The following WASHC4 variants were observed in gnomAD, a reference collection of about 807,000 sequenced individuals.
The protein encoded by WASHC4 is WASH complex subunit 4, also known as WASH complex subunit 7.
WASHC4 carries 86 observed loss-of-function variants against 166.6 expected under a neutral mutation model. The observed-to-expected ratio is 0.52, with a 90% confidence interval of 0.43 to 0.62. The LOEUF (loss-of-function observed/expected upper bound fraction) is 0.62, where lower values mean the gene tolerates loss of function less well. Among genes scored for constraint, WASHC4 ranks in the 20% least tolerant of loss-of-function variants. WASHC4 has a pLI of 0.00. For synonymous variants in WASHC4, 446 were observed against 451.6 expected (o/e 0.99, Z 0.16); for missense variants, 1,262 against 1,382.4 (o/e 0.91, Z 1.38).
In WASHC4 at chr12:105,140,349, A is replaced by T. The variant is rs201428088; in HGVS notation, c.1508A>T (p.His503Leu). 1 of 1,614,000 alleles carries T rather than the reference A, an allele frequency of 6.2e-7. No individual in the cohort carries two copies. Among genetic ancestry groups the T allele is most frequent in the Admixed American group, 1.7e-5 (1 of 60,028 alleles). The change falls in exon 16 of 33, where the codon CAT (histidine) becomes CTT (leucine). Residue 503 changes from histidine to leucine, a missense_variant. Physicochemically the swap from His to Leu is moderately conservative, Grantham distance 99 (BLOSUM62 -3). Coordinates refer to ENST00000332180, the MANE Select transcript of WASHC4 (RefSeq NM_015275.3). The part of the protein sequence containing the change: ...RSMVVADSVS[H>L]ITQHLQHQAL... Reference sequence around the variant, plus strand: ...ATGGTTGTGGCTGATTCAGTTTCACATATAACACAGCACCTTCAACATCAG... The same window carrying T: ...ATGGTTGTGGCTGATTCAGTTTCACTTATAACACAGCACCTTCAACATCAG...
In WASHC4 at chr12:105,107,840, C is replaced by T. The variant is rs1445291096; in HGVS notation, c.40C>T (p.Arg14Cys). ...TCTGTCCCCGGACTGGGAGTTTGACCGCGTTGACGACGGCTCGCAGAGTAA... is the reference window on the plus strand; with the variant it reads ...TCTGTCCCCGGACTGGGAGTTTGACTGCGTTGACGACGGCTCGCAGAGTAA... ...ETLSPDWEFD[R>C]VDDGSQKIHA... The change falls in exon 1 of 33, where the codon CGC (arginine) becomes TGC (cysteine). Residue 14 changes from arginine (R) to cysteine (C), a missense_variant. By Grantham distance (180) the Arg-to-Cys change is radical. Coordinates refer to ENST00000332180, the MANE Select transcript of WASHC4 (RefSeq NM_015275.3). 2 of 1,550,950 alleles carry T rather than the reference C, an allele frequency of 1.3e-6. No individual in the cohort carries two copies. Among genetic ancestry groups the T allele is most frequent in the Non-Finnish European group, 1.7e-6 (2 of 1,146,492 alleles).
intron 32 of WASHC4, among the ~76,000 whole-genome samples, chr12:105,165,461 A>G (rs1884754208): frequency 6.6e-6 from 1 of 152,220 alleles, no homozygotes; most frequent in African/African-American, 2.4e-5. Context: ...TGGATATTAT[A>G]TAGCATACAT....
chr12:105,140,420 AT>A lies in WASHC4; in HGVS notation c.1560+22del. 1 of 1,493,612 alleles carries A rather than the reference AT, an allele frequency of 6.7e-7. No homozygotes were observed. The highest frequency in any genetic ancestry group is 9.3e-7 in the Non-Finnish European group (1 of 1,070,262). The allele number at this position is 1,493,612 out of a possible 1,614,324, so 92.5% of individuals were successfully genotyped here. ...GGCCAAGGTATGCAGCTTATTATGT[AT>A]TTAGCATAAGTATGTTATCTTTTTT... On this transcript the variant is annotated intron_variant, in intron 16 of 32. Coordinates refer to ENST00000332180, the MANE Select transcript of WASHC4 (RefSeq NM_015275.3).
chr12:105,127,249 A>G lies in WASHC4; in HGVS notation c.1159A>G (p.Arg387Gly). The G allele has an allele frequency of 6.2e-7, 1 of 1,612,294 alleles. No homozygotes were observed. The highest frequency in any genetic ancestry group is 8.5e-7 in the Non-Finnish European group (1 of 1,178,404). Residue 387 changes from arginine to glycine, a missense_variant, in exon 13 of 33, where the codon AGG becomes GGG. By Grantham distance (125) the Arg-to-Gly change is moderately radical (BLOSUM62 -2). Coordinates refer to ENST00000332180, the MANE Select transcript of WASHC4 (RefSeq NM_015275.3). ...AAGTCTTCAAGCCATTAAAATACAC[A>G]GGGATACTTTTCTACAACAGAAAGC... ...RKSLQAIKIH[R>G]DTFLQQKAQS...
intron 22 of WASHC4, among the ~76,000 whole-genome samples, 177 bp downstream of exon 22, chr12:105,145,049 T>G (rs1312544430): frequency 2.0e-5 from 3 of 151,768 alleles, no homozygotes; most frequent in Non-Finnish European, 2.9e-5. Flanking sequence ...TAAATTGCTT[T>G]ATAAAGGAAT....
chr12:105,145,021 T>A, intron 22 of WASHC4, 149 bp downstream of exon 22: 2 of 789,132 alleles, frequency 2.5e-6, no homozygotes, highest in Non-Finnish European at 3.9e-6. Context: ...TTGACAACAG[T>A]AAAAAATTAG....
intron 24 of WASHC4, chr12:105,147,657 G>C: frequency 1.1e-6 from 1 of 880,080 alleles, no homozygotes; most frequent in Non-Finnish European, 1.4e-6. Flanking sequence ...TGTAATCCCA[G>C]CACTTTGGGA....
chr12:105,141,157 T>C lies in WASHC4; in HGVS notation c.1708-10T>C, dbSNP rs1242018685. ...GCAACTTCTCTGCCTTTTTTTCCTG[T>C]CCCTGATAGAAAACATTTAAAGATG... On this transcript the variant is annotated splice_polypyrimidine_tract_variant and intron_variant, in intron 17 of 32. Transcript: ENST00000332180. 8.7e-6 allele frequency: 14 copies of C among 1,612,260 alleles called. No individual in the cohort carries two copies. The highest frequency in any genetic ancestry group is 1.2e-5 in the Non-Finnish European group (14 of 1,178,444).
In WASHC4 at chr12:105,152,261, GT is replaced by G. The variant is rs1431828750; in HGVS notation, c.2650-81del. 3 of 738,864 alleles carry G rather than the reference GT, an allele frequency of 4.1e-6. No individual in the cohort carries two copies. The Admixed American group carries it at 5.8e-5, about 14-fold the overall frequency. 45.8% of individuals were successfully genotyped at this position (738,864 alleles called of 1,614,324 possible). A position where few individuals can be genotyped will look rare whatever the true frequency, so the allele number is the denominator to read the frequency against. The stretch of plus-strand genomic sequence containing the variant: ...AATGAAATACAAAATTGAAAGGAGA[GT>G]AGTATTGGCATGGTTTATTTGGGAG... On this transcript the variant is annotated intron_variant, in intron 25 of 32. Coordinates refer to ENST00000332180, the MANE Select transcript of WASHC4 (RefSeq NM_015275.3).
chr12:105,123,881 T>C (rs1273167704), intron 10 of WASHC4, among the ~76,000 whole-genome samples: 1 of 152,150 alleles, frequency 6.6e-6, no homozygotes, highest in Admixed American at 6.5e-5. Flanking sequence ...TCTGAAAATC[T>C]TAGGGCCCTT....
intron 28 of WASHC4, among the ~76,000 whole-genome samples, chr12:105,157,751 C>T (rs917077557): frequency 6.6e-6 from 1 of 152,222 alleles, no homozygotes; most frequent in Admixed American, 6.5e-5. Flanking sequence ...TATAGCAGCA[C>T]TGTAGCCACT....
chr12:105,165,182 C>A (rs1020993694), intron 32 of WASHC4, among the ~76,000 whole-genome samples: 1 of 152,182 alleles, frequency 6.6e-6, no homozygotes, highest in Non-Finnish European at 1.5e-5. Context: ...TAGTAAATAG[C>A]ATCCTGCCTT....
At chr12:105,161,907 ATAAAAT>A (rs1439363182) in intron 29 of WASHC4, among the ~76,000 whole-genome samples, 1 of 152,228 alleles carries the variant, frequency 6.6e-6, no homozygotes, top group Non-Finnish European at 1.5e-5. Flanking sequence ...TTAAAATTTC[ATAAAAT>A]TAAAATCATA....
rs534637451 is a variant in WASHC4 at position 105,167,014 on chromosome 12, A to G, written c.*83A>G. ...CAGTGGAATGGATAAACTATTGATGAATTGTTTCCTGGGTCACATCTCTGG... is the reference window on the plus strand; with the variant it reads ...CAGTGGAATGGATAAACTATTGATGGATTGTTTCCTGGGTCACATCTCTGG... On this transcript the variant is annotated 3_prime_UTR_variant, in exon 33 of 33. Coordinates refer to ENST00000332180, the MANE Select transcript of WASHC4 (RefSeq NM_015275.3). 1.1e-6 allele frequency: 1 copy of G among 907,612 alleles called. No individual in the cohort carries two copies. The highest frequency in any genetic ancestry group is 1.6e-5 in the African/African-American group (1 of 61,690). 56.2% of individuals were successfully genotyped at this position (907,612 alleles called of 1,614,324 possible).
In WASHC4 at chr12:105,156,792, G is replaced by A. The variant is rs1884189175; in HGVS notation, c.2825G>A (p.Arg942Lys). ...GGLHCSSNAIRFVPDLEDIVN... is the reference protein window; with the variant it reads ...GGLHCSSNAIKFVPDLEDIVN... ...CTTCATTGTAGCAGCAATGCCATTA[G>A]GTATGGATGCAAACATCATTTTTGC... The change falls in exon 27 of 33, where the codon AGA becomes AAA. Residue 942 changes from arginine to lysine, a missense_variant and splice_region_variant. By Grantham distance (26) the Arg-to-Lys change is conservative. Transcript: ENST00000332180. The A allele has an allele frequency of 6.2e-7, 1 of 1,609,848 alleles. No homozygotes were observed. The highest frequency in any genetic ancestry group is 1.7e-5 in the Admixed American group (1 of 59,978).
At chr12:105,151,364 T>G (rs1883761117) in intron 25 of WASHC4, among the ~76,000 whole-genome samples, 2 of 152,180 alleles carry the variant, frequency 1.3e-5, no homozygotes, top group South Asian at 2.1e-4. Flanking sequence ...TACACCTATT[T>G]CCAGTTCTCT....
intron 24 of WASHC4, 142 bp downstream of exon 24, chr12:105,147,288 T>A: frequency 1.5e-6 from 1 of 663,388 alleles, no homozygotes; most frequent in Non-Finnish European, 2.7e-6. Flanking sequence ...TGGTTAGTAA[T>A]TAAAATGTCT....
At chr12:105,107,999 G>A in intron 1 of WASHC4, 138 bp downstream of exon 1, 1 of 690,758 alleles carries the variant, frequency 1.4e-6, no homozygotes, top group Non-Finnish European at 2.6e-6. Flanking sequence ...TGGGGTGTGC[G>A]AGGGACGCGC....
chr12:105,110,345 G>T (rs1879551716), intron 1 of WASHC4, among the ~76,000 whole-genome samples: 1 of 152,156 alleles, frequency 6.6e-6, no homozygotes, highest in Non-Finnish European at 1.5e-5. Flanking sequence ...ATCAATAAAA[G>T]AAACTGAGTT....
Sources: gnomAD v4.1 joint callset for allele counts (sites outside exome capture counted in the v4.1 genomes callset) on GRCh38, gnomAD v4.1.1 for gene constraint, MANE v1.5 for transcripts, NCBI Gene and HGNC (gene_info 2026-07-23, HGNC 2026-07-21) for gene names.